EDIL3: variants seen among roughly 807,000 people sequenced by gnomAD.
EDIL3 encodes the protein EGF like and discoidin domains 3, also known as EGF-like repeat and discoidin I-like domain-containing protein 3.
A neutral mutation model predicts 67.4 loss-of-function variants in EDIL3; 37 were observed. That is an observed-to-expected ratio of 0.55 (90% confidence interval 0.42 to 0.72). The LOEUF is 0.72. Ranked by LOEUF, EDIL3 falls within the 30% of genes least tolerant of loss-of-function variation. The probability of loss-of-function intolerance (pLI) is 0.00; values close to 1 mark genes in which losing one functional copy is unlikely to be tolerated. For synonymous variants in EDIL3, 195 were observed against 196.3 expected, an observed-to-expected ratio of 0.99 and a Z score of 0.05; for missense variants, 527 against 586.3, an observed-to-expected ratio of 0.90 and a Z score of 1.04.
rs149139159 is a variant in EDIL3 at position 84,164,032 on chromosome 5, G to A, written c.355+16361C>T. On this transcript the variant is annotated intron_variant, in intron 4 of 10. Transcript: ENST00000296591. ...TAGACCTCTGAAGCTGGCCATAAGG[G>A]ACTACTGCTGTATATGCTGTGCTAT... Among the ~76,000 whole-genome samples, 32 of 152,142 alleles carry A rather than the reference G, an allele frequency of 2.1e-4. 1 individual carries two copies. In the East Asian group the frequency reaches 6.0e-3, roughly 28 times the overall value.
intron 9 of EDIL3, among the ~76,000 whole-genome samples, chr5:84,029,903 A>G (rs1745887624): frequency 6.6e-6 from 1 of 152,224 alleles, no homozygotes; most frequent in African/African-American, 2.4e-5. Context: ...ACCATATTCT[A>G]TTTCAAATGC....
At chr5:84,326,174 T>A (rs1746753250) in intron 1 of EDIL3, among the ~76,000 whole-genome samples, 1 of 152,018 alleles carries the variant, frequency 6.6e-6, no homozygotes, top group Non-Finnish European at 1.5e-5. Context: ...CATGGGATGA[T>A]CCATCAGGAG....
At chr5:84,157,630 A>G (rs935107101) in intron 4 of EDIL3, among the ~76,000 whole-genome samples, 1 of 152,074 alleles carries the variant, frequency 6.6e-6, no homozygotes, top group Non-Finnish European at 1.5e-5. Flanking sequence ...TTCTTGGACC[A>G]TTTCCATTTG....
intron 9 of EDIL3, among the ~76,000 whole-genome samples, chr5:83,972,752 T>A (rs1361984122): frequency 6.6e-6 from 1 of 152,044 alleles, no homozygotes; most frequent in East Asian, 1.9e-4. Context: ...ATAAACCTTA[T>A]TAACAAGCAC....
chr5:84,365,566 C>T (rs777929489), intron 1 of EDIL3, among the ~76,000 whole-genome samples: 1 of 152,070 alleles, frequency 6.6e-6, no homozygotes, highest in Non-Finnish European at 1.5e-5. Context: ...GCAGAGACCA[C>T]CTGATGACTT....
rs781760483 is a variant in EDIL3 at position 84,254,115 on chromosome 5, T to C, written c.165A>G (p.Thr55=). 6.8e-6 allele frequency: 11 copies of C among 1,612,242 alleles called. No individual in the cohort carries two copies. The highest frequency in any genetic ancestry group is 9.3e-6 in the Non-Finnish European group (11 of 1,179,088). ...SFSCECPDGF[T]DPNCSSVVEV... is the part of the protein sequence containing the mutation. ...CCACAACACTAGAACAGTTGGGGTC[T>C]GTGAAGCCATCTGGACACTCACAGG... Residue 55 remains threonine, a synonymous_variant, in exon 2 of 11, where the codon ACA becomes ACG. Transcript: ENST00000296591.
At chr5:84,118,646 A>C (rs907238123) in intron 5 of EDIL3, among the ~76,000 whole-genome samples, 5 of 152,188 alleles carry the variant, frequency 3.3e-5, no homozygotes, top group Non-Finnish European at 5.9e-5. Flanking sequence ...GTCCTACTTC[A>C]TGGAAGCATT....
intron 10 of EDIL3, among the ~76,000 whole-genome samples, chr5:83,958,060 T>G (rs1255263504): frequency 6.6e-6 from 1 of 151,668 alleles, no homozygotes; most frequent in East Asian, 1.9e-4. Context: ...TTTAATCTTA[T>G]TTTTAGAAAC....
At chr5:84,153,276 G>T (rs992702347) in intron 4 of EDIL3, among the ~76,000 whole-genome samples, 2 of 151,986 alleles carry the variant, frequency 1.3e-5, no homozygotes, top group Admixed American at 1.3e-4. Context: ...TGGCTTTAAA[G>T]TCCTATTGTT....
chr5:83,963,089 T>C, intron 10 of EDIL3, 116 bp downstream of exon 10: 1 of 1,233,168 alleles, frequency 8.1e-7, no homozygotes, highest in Non-Finnish European at 1.1e-6. Context: ...AACATATATT[T>C]TCAGTATATA....
Position 83,943,399 on chromosome 5 carries a change from T to C in EDIL3, c.*20A>G, listed in dbSNP as rs747428055. On this transcript the variant is annotated 3_prime_UTR_variant, in exon 11 of 11. Coordinates refer to ENST00000296591, the MANE Select transcript of EDIL3 (RefSeq NM_005711.5). ...ACTTTTAGGGAAATAGGGAAGAGGG[T>C]TGTGAAATGTAGCCTCCCCTCATTC... 11 of 1,611,320 alleles carry C rather than the reference T, an allele frequency of 6.8e-6. No individual in the cohort carries two copies. Among genetic ancestry groups the C allele is most frequent in the East Asian group, 4.5e-5 (2 of 44,674 alleles).
At chr5:84,307,406 A>C (rs985725423) in intron 1 of EDIL3, among the ~76,000 whole-genome samples, 2 of 152,186 alleles carry the variant, frequency 1.3e-5, no homozygotes, top group African/African-American at 2.4e-5. Flanking sequence ...GAAAATAAAG[A>C]GGCCCAACAG....
intron 4 of EDIL3, among the ~76,000 whole-genome samples, chr5:84,164,261 T>TAA (rs1748665495): frequency 1.3e-5 from 2 of 152,122 alleles, no homozygotes; most frequent in Non-Finnish European, 2.9e-5. Context: ...CTTACTGGAT[T>TAA]TGAACATTAA....
intron 1 of EDIL3, among the ~76,000 whole-genome samples, chr5:84,263,434 G>C (rs959726723): frequency 6.6e-6 from 1 of 152,166 alleles, no homozygotes; most frequent in African/African-American, 2.4e-5. Flanking sequence ...AAAGGGGTAG[G>C]TGTATTAGAA....
intron 1 of EDIL3, among the ~76,000 whole-genome samples, chr5:84,348,312 C>T (rs943009536): frequency 3.9e-5 from 6 of 152,032 alleles, no homozygotes; most frequent in Admixed American, 6.6e-5. Flanking sequence ...CCAGGAAAAG[C>T]CTTTAAGTAT....
chr5:84,366,600 T>C (rs1747740287), intron 1 of EDIL3, among the ~76,000 whole-genome samples: 1 of 152,204 alleles, frequency 6.6e-6, no homozygotes, highest in South Asian at 2.1e-4. Context: ...ATATAATATG[T>C]GCTAATAAAT....
At chr5:84,176,206 T>TATATATATATATATATATATA (rs1748906463) in intron 4 of EDIL3, among the ~76,000 whole-genome samples, 2 of 31,562 alleles carry the variant, frequency 6.3e-5, no homozygotes, top group South Asian at 1.4e-3. Context: ...ATAATATATA[T>TATATATATATATATATATATA]ATATATATAT....
In EDIL3 at chr5:83,943,520, C is replaced by T. The variant is rs745727812; in HGVS notation, c.1342G>A (p.Asp448Asn). Residue 448 changes from aspartate to asparagine, a missense_variant, in exon 11 of 11, where the codon GAC becomes AAC. Coordinates refer to ENST00000296591, the MANE Select transcript of EDIL3 (RefSeq NM_005711.5). ...DNDTHRKNVI[D>N]PPIYARHIRI... ...ATGTGTCGTGCATAGATGGGAGGGT[C>T]GATGACATTTTTTCTGTGAGTGTCA... The T allele has an allele frequency of 4.3e-6, 7 of 1,612,210 alleles. No homozygotes were observed. Among genetic ancestry groups the T allele is most frequent in the South Asian group, 1.1e-5 (1 of 91,014 alleles).
intron 1 of EDIL3, among the ~76,000 whole-genome samples, chr5:84,305,515 CAG>C (rs1746246950): frequency 6.6e-6 from 1 of 152,194 alleles, no homozygotes; most frequent in South Asian, 2.1e-4. Context: ...AAGCTCTCAG[CAG>C]AGTTTGATTT....
Sources: gnomAD v4.1 joint callset for allele counts (sites outside exome capture counted in the v4.1 genomes callset) on GRCh38, gnomAD v4.1.1 for gene constraint, MANE v1.5 for transcripts, NCBI Gene and HGNC (gene_info 2026-07-23, HGNC 2026-07-21) for gene names.